The following GRIP1 variants were observed in gnomAD, a reference collection of about 807,000 sequenced individuals.
The protein encoded by GRIP1 is glutamate receptor-interacting protein 1.
GRIP1 carries 45 observed loss-of-function variants against 129.9 expected under a neutral mutation model. The observed-to-expected ratio is 0.35, with a 90% CI of 0.27 to 0.44. GRIP1 has a LOEUF of 0.44. Among genes scored for constraint, GRIP1 ranks in the 20% least tolerant of loss-of-function variants. The pLI is 1.00. For synonymous variants in GRIP1, 530 were observed against 520.8 expected (o/e 1.02, Z -0.24); for missense variants, 1,196 against 1,396.8 (o/e 0.86, Z 2.29).
At chr12:66,418,242 A>C (rs2057679606) in intron 15 of GRIP1, among the ~76,000 whole-genome samples, 1 of 152,210 alleles carries the variant, frequency 6.6e-6, no homozygotes, top group Non-Finnish European at 1.5e-5. Context: ...CAACATGCAG[A>C]AGAAAAAAAC....
intron 1 of GRIP1, among the ~76,000 whole-genome samples, chr12:66,756,235 TATG>T (rs2136644176): frequency 6.6e-6 from 1 of 152,326 alleles, no homozygotes; most frequent in Non-Finnish European, 1.5e-5. Flanking sequence ...TTTCTGCTTC[TATG>T]AGTTTCACTA....
intron 4 of GRIP1, among the ~76,000 whole-genome samples, chr12:66,531,805 T>G (rs1037477785): frequency 3.9e-5 from 6 of 152,156 alleles, no homozygotes; most frequent in Non-Finnish European, 7.3e-5. Flanking sequence ...ATTTTTTTTT[T>G]GTTCTCTTGG....
chr12:66,545,630 A>G (rs922137325), intron 2 of GRIP1, among the ~76,000 whole-genome samples: 1 of 152,212 alleles, frequency 6.6e-6, no homozygotes, highest in Admixed American at 6.5e-5. Context: ...TCATTCATTC[A>G]ATAAGAACTG....
At chr12:66,405,094 A>G (rs2057144213) in intron 16 of GRIP1, among the ~76,000 whole-genome samples, 1 of 152,326 alleles carries the variant, frequency 6.6e-6, no homozygotes, top group East Asian at 1.9e-4. Flanking sequence ...ACTCTACAAC[A>G]TTGGGGAAAA....
chr12:66,688,377 T>G (rs1276677766), intron 1 of GRIP1, among the ~76,000 whole-genome samples: 2 of 152,198 alleles, frequency 1.3e-5, no homozygotes. Context: ...GAAAGCACTT[T>G]GTCAATTTTC....
chr12:66,830,501 C>G lies in GRIP1; in HGVS notation c.59-233574G>C, dbSNP rs1413464335. Among the ~76,000 whole-genome samples, 10 of 152,100 alleles carry G rather than the reference C, an allele frequency of 6.6e-5. No homozygotes were observed. In the East Asian group the frequency reaches 1.7e-3, roughly 26 times the overall value. On this transcript the variant is annotated intron_variant, in intron 1 of 1. Transcript: ENST00000643019. ...GAGGCATGCAGGCAGCCTGGAAAAG[C>G]TGAAAAAGGCAAGGTCTCTTGTGGC...
chr12:66,451,383 G>GTTTTTT lies in GRIP1; in HGVS notation c.1354+4020_1354+4025dup, dbSNP rs1169331519. Among the ~76,000 whole-genome samples, 54 of 42,650 alleles carry GTTTTTT rather than the reference G, an allele frequency of 1.3e-3. 16 individuals are homozygous for GTTTTTT. The highest frequency in any genetic ancestry group is 3.6e-3 in the African/African-American group (33 of 9,084). 28.0% of individuals were successfully genotyped at this position (42,650 alleles called of 152,430 possible). On this transcript the variant is annotated intron_variant, in intron 11 of 24. Transcript: ENST00000359742. Reference sequence around the variant, plus strand: ...CCCCAAAGATTTATTATTATAATCTGTTTTTTTTTTTTTTTTTTTTTTTTT... The same window carrying GTTTTTT: ...CCCCAAAGATTTATTATTATAATCTGTTTTTTTTTTTTTTTTTTTTTTTTTTTTTTT...
intron 16 of GRIP1, among the ~76,000 whole-genome samples, chr12:66,399,443 A>C (rs765142058): frequency 6.6e-6 from 1 of 152,000 alleles, no homozygotes; most frequent in Non-Finnish European, 1.5e-5. Context: ...CTAGAAGAGA[A>C]ACTTCTGAGA....
chr12:66,479,111 A>AC (rs1387644806), intron 7 of GRIP1, among the ~76,000 whole-genome samples: 1 of 151,486 alleles, frequency 6.6e-6, no homozygotes, highest in African/African-American at 2.4e-5. Flanking sequence ...AACAGAAAAA[A>AC]AAATCAATGA....
chr12:66,528,662 T>G (rs2061345416), intron 5 of GRIP1, among the ~76,000 whole-genome samples: 1 of 152,160 alleles, frequency 6.6e-6, no homozygotes, highest in African/African-American at 2.4e-5. Flanking sequence ...CTAATCAACA[T>G]TTTTCAGTGA....
At chr12:67,060,651 T>C (rs2043516298) in intron 1 of GRIP1, among the ~76,000 whole-genome samples, 1 of 151,938 alleles carries the variant, frequency 6.6e-6, no homozygotes, top group South Asian at 2.1e-4. Flanking sequence ...TGAAACCCCA[T>C]CTGTATTAAA....
At chr12:66,875,314 C>T (rs569172343) in intron 1 of GRIP1, among the ~76,000 whole-genome samples, 1 of 152,136 alleles carries the variant, frequency 6.6e-6, no homozygotes, top group Admixed American at 6.6e-5. Flanking sequence ...CTTTCACCAT[C>T]AAAATATGTA....
chr12:66,502,649 TTC>T (rs896545189), intron 7 of GRIP1, among the ~76,000 whole-genome samples: 3 of 152,128 alleles, frequency 2.0e-5, no homozygotes, highest in Non-Finnish European at 4.4e-5. Flanking sequence ...TACCCTCTCC[TTC>T]TCTCACTCTT....
At chr12:66,826,175 C>T (rs1423965448) in intron 1 of GRIP1, among the ~76,000 whole-genome samples, 1 of 152,096 alleles carries the variant, frequency 6.6e-6, no homozygotes, top group Non-Finnish European at 1.5e-5. Context: ...AGCTGGAAAC[C>T]ATCATTCTCA....
intron 2 of GRIP1, among the ~76,000 whole-genome samples, chr12:66,547,088 T>C (rs1487655317): frequency 2.6e-5 from 4 of 152,138 alleles, no homozygotes; most frequent in Middle Eastern, 3.4e-3. Context: ...AACAATCTAA[T>C]TAGAAAATGG....
rs1017390660 is a variant in GRIP1 at position 66,715,570 on chromosome 12, T to C, written c.-419-85234A>G. 2.0e-5 allele frequency among the ~76,000 whole-genome samples: 3 copies of C among 151,208 alleles called. No individual in the cohort carries two copies. In the South Asian group the frequency reaches 6.3e-4, roughly 32 times the overall value. Reference sequence around the variant, plus strand: ...TGGGCAGGAGCATTTCTTTTCATCTTTGTTGCCCCTGTACCAAAAGGAGAG... The same window carrying C: ...TGGGCAGGAGCATTTCTTTTCATCTCTGTTGCCCCTGTACCAAAAGGAGAG... On this transcript the variant is annotated intron_variant, in intron 1 of 4. Coordinates refer to the GRIP1 transcript ENST00000538373.
chr12:66,946,809 G>T (rs1467924882), intron 1 of GRIP1, among the ~76,000 whole-genome samples: 12 of 133,688 alleles, frequency 9.0e-5, no homozygotes, highest in Non-Finnish European at 1.8e-4. Context: ...GGGCTGGGGG[G>T]GGCGGCATGG....
At chr12:66,891,294 G>A (rs1423301728) in intron 1 of GRIP1, among the ~76,000 whole-genome samples, 1 of 152,194 alleles carries the variant, frequency 6.6e-6, no homozygotes, top group East Asian at 1.9e-4. Context: ...GTAGGTTGCA[G>A]TTGGGACTCA....
At chr12:66,526,515 T>G (rs1048263900) in intron 5 of GRIP1, among the ~76,000 whole-genome samples, 1 of 152,040 alleles carries the variant, frequency 6.6e-6, no homozygotes, top group Non-Finnish European at 1.5e-5. Context: ...TTACACCTTA[T>G]ACAAAAATTA....
Sources: gnomAD v4.1 joint callset for allele counts (sites outside exome capture counted in the v4.1 genomes callset) on GRCh38, gnomAD v4.1.1 for gene constraint, MANE v1.5 for transcripts, NCBI Gene and HGNC (gene_info 2026-07-23, HGNC 2026-07-21) for gene names.